Variants in DLC1 observed in about 807,000 individuals in gnomAD.
DLC1 encodes rho GTPase-activating protein 7.
A neutral mutation model predicts 140.3 loss-of-function variants in DLC1; 54 were observed. That is an observed-to-expected ratio of 0.38 (90% CI 0.31 to 0.48). The LOEUF is 0.48. DLC1 is among the 20% of genes least tolerant of loss of function. The pLI is 0.96. For synonymous variants in DLC1, 986 were observed against 728.1 expected (o/e 1.35, Z -5.70); for missense variants, 2,536 against 1,907.0 (o/e 1.33, Z -6.14).
chr8:13,411,637 A>G (rs1837789752), intron 2 of DLC1, among the ~76,000 whole-genome samples: 1 of 152,220 alleles, frequency 6.6e-6, no homozygotes, highest in Admixed American at 6.5e-5. Flanking sequence ...GGCAGAGGGC[A>G]TATAAAACAT....
intron 1 of DLC1, among the ~76,000 whole-genome samples, chr8:13,589,276 T>A (rs1190837836): frequency 1.3e-5 from 2 of 152,130 alleles, no homozygotes; most frequent in Admixed American, 1.3e-4. Context: ...TTTATATAAT[T>A]GTTGAAAATG....
chr8:13,119,663 T>C lies in DLC1; in HGVS notation c.1349-4006A>G, dbSNP rs1307750829. On this transcript the variant is annotated intron_variant, in intron 5 of 17. Transcript: ENST00000276297. Reference sequence around the variant, plus strand: ...TAACCACCTCTCCTTAAAAATGAGCTTTCTGAGGCCAAGCGAGGTGGCTCA... The same window carrying C: ...TAACCACCTCTCCTTAAAAATGAGCCTTCTGAGGCCAAGCGAGGTGGCTCA... 2.0e-5 allele frequency among the ~76,000 whole-genome samples: 3 copies of C among 152,076 alleles called. No homozygotes were observed. In the East Asian group the frequency reaches 5.8e-4, roughly 29 times the overall value.
intron 1 of DLC1, among the ~76,000 whole-genome samples, chr8:13,572,358 G>A (rs1405082806): frequency 6.6e-6 from 1 of 152,078 alleles, no homozygotes; most frequent in East Asian, 1.9e-4. Context: ...CAAAGTGCTG[G>A]AGGAATTATT....
chr8:13,152,199 G>A (rs1465283479), intron 5 of DLC1, among the ~76,000 whole-genome samples: 4 of 152,190 alleles, frequency 2.6e-5, no homozygotes, highest in Non-Finnish European at 5.9e-5. Flanking sequence ...AAAAGTGGCA[G>A]CAGTGCCAGG....
rs964940272 is a variant in DLC1, at chr8:13,415,531, C to G, written c.1024-13912G>C. ...TCTCCTACCTCAGCCTACCTAGTAG[C>G]AGGGAGTACAGGCTCCCGCCACCAC... On this transcript the variant is annotated intron_variant, in intron 2 of 17. Coordinates refer to ENST00000276297, the MANE Select transcript of DLC1 (RefSeq NM_182643.3). Among the ~76,000 whole-genome samples the G allele has an allele frequency of 1.5e-4, 23 of 151,840 alleles. 1 individual carries two copies. The highest frequency in any genetic ancestry group is 5.3e-4 in the African/African-American group (22 of 41,328).
At chr8:13,386,021 G>A (rs1275553847) in intron 4 of DLC1, among the ~76,000 whole-genome samples, 2 of 152,176 alleles carry the variant, frequency 1.3e-5, no homozygotes, top group Non-Finnish European at 2.9e-5. Flanking sequence ...CTATGATGTG[G>A]CATGCTGTTG....
chr8:13,560,339 C>G (rs1415202955), intron 1 of DLC1, among the ~76,000 whole-genome samples: 1 of 151,974 alleles, frequency 6.6e-6, no homozygotes, highest in Non-Finnish European at 1.5e-5. Context: ...TAATTTCTTA[C>G]TTAAGTATGA....
chr8:13,187,303 G>A (rs1349908424), intron 5 of DLC1, among the ~76,000 whole-genome samples: 2 of 152,136 alleles, frequency 1.3e-5, no homozygotes, highest in Non-Finnish European at 2.9e-5. Context: ...TGTGTCCCTG[G>A]AGCATAAGAA....
intron 5 of DLC1, chr8:13,276,455 C>G: frequency 1.5e-6 from 2 of 1,371,508 alleles, no homozygotes; most frequent in Non-Finnish European, 1.9e-6. Flanking sequence ...CCTCGGTACT[C>G]CGCCCCGCGC....
chr8:13,524,544 T>G (rs1278170575), intron 1 of DLC1, among the ~76,000 whole-genome samples: 1 of 152,236 alleles, frequency 6.6e-6, no homozygotes, highest in Non-Finnish European at 1.5e-5. Context: ...TTTTACAATT[T>G]GGCACATAGT....
intron 4 of DLC1, chr8:13,339,468 T>C (rs1463401344): frequency 6.6e-6 from 1 of 152,240 alleles, no homozygotes. Context: ...CTAGGAATCA[T>C]CACACCAGGC....
At chr8:13,378,250 A>C (rs1365044456) in intron 4 of DLC1, among the ~76,000 whole-genome samples, 1 of 150,534 alleles carries the variant, frequency 6.6e-6, no homozygotes, top group Non-Finnish European at 1.5e-5. Context: ...TCCAGAAAAA[A>C]ATCTTAGTAA....
chr8:13,130,127 G>A (rs1288644188), intron 5 of DLC1, among the ~76,000 whole-genome samples: 5 of 152,162 alleles, frequency 3.3e-5, no homozygotes, highest in Non-Finnish European at 1.5e-5. Flanking sequence ...ATATTTACCC[G>A]CTTAAGTCAT....
chr8:13,538,286 C>T (rs780584155), intron 1 of DLC1, among the ~76,000 whole-genome samples: 1 of 151,588 alleles, frequency 6.6e-6, no homozygotes, highest in African/African-American at 2.4e-5. Context: ...TTGGAGAATC[C>T]AATGTTTATA....
chr8:13,567,541 A>G lies in DLC1; in HGVS notation c.-126+36996T>C, dbSNP rs765217669. On this transcript the variant is annotated intron_variant, in intron 1 of 1. Coordinates refer to the DLC1 transcript ENST00000631382. ...AATCTACTTTAAAAACATGAGGACA[A>G]CGCCAAAACAGGAGGCAGCAGCTAA... The G allele has an allele frequency of 3.2e-4, 492 of 1,551,650 alleles. 1 individual carries two copies. The highest frequency in any genetic ancestry group is 9.8e-5 in the Admixed American group (5 of 50,990).
At chr8:13,463,199 A>C (rs1381086968) in intron 2 of DLC1, among the ~76,000 whole-genome samples, 1 of 151,980 alleles carries the variant, frequency 6.6e-6, no homozygotes, top group African/African-American at 2.4e-5. Flanking sequence ...CATAGTAACT[A>C]GGTGTGACTG....
intron 2 of DLC1, among the ~76,000 whole-genome samples, chr8:13,420,857 TAATTTTAG>T (rs916915549): frequency 1.3e-5 from 2 of 152,112 alleles, no homozygotes; most frequent in African/African-American, 4.8e-5. Flanking sequence ...CTAACCTGCT[TAATTTTAG>T]GCCGTATGTA....
intron 5 of DLC1, among the ~76,000 whole-genome samples, chr8:13,139,214 G>A (rs1474448646): frequency 6.8e-6 from 1 of 147,114 alleles, no homozygotes; most frequent in African/African-American, 2.5e-5. Context: ...TGCTTGAGCC[G>A]GGTAGTCGAG....
chr8:13,086,595 T>A, intron 16 of DLC1, 132 bp from the exon 17 acceptor site: 1 of 964,946 alleles, frequency 1.0e-6, no homozygotes, highest in Non-Finnish European at 1.5e-6. Flanking sequence ...GACCCAGGCC[T>A]AGGTAAATGG....
Sources: allele counts gnomAD v4.1 joint callset (sites outside exome capture counted in the v4.1 genomes callset), GRCh38; gene constraint gnomAD v4.1.1; transcripts MANE v1.5; gene names NCBI Gene and HGNC (gene_info 2026-07-23, HGNC 2026-07-21).